The following PDZD2 variants were observed in gnomAD, a reference collection of about 807,000 sequenced individuals.
The protein encoded by PDZD2 is PDZ domain-containing protein 2.
In PDZD2, 90 loss-of-function variants were observed where a neutral mutation model predicts 220.7. That is an observed-to-expected ratio of 0.41 (90% CI 0.34 to 0.49). The LOEUF (loss-of-function observed/expected upper bound fraction) is 0.49. Ranked by LOEUF, PDZD2 falls within the 20% of genes least tolerant of loss-of-function variation. The probability of loss-of-function intolerance (pLI) is 0.28; values close to 1 mark genes in which losing one functional copy is unlikely to be tolerated. For missense variants in PDZD2, 3,174 were observed against 3,608.5 expected, an observed-to-expected ratio of 0.88 and a Z score of 3.08; for synonymous variants, 1,375 against 1,450.5, an observed-to-expected ratio of 0.95 and a Z score of 1.18.
At chr5:31,862,101 G>GTTTTTTTTTTTTTT (rs11417935) in intron 2 of PDZD2, among the ~76,000 whole-genome samples, 1 of 78,500 alleles carries the variant, frequency 1.3e-5, no homozygotes, top group East Asian at 3.9e-4. Context: ...TTTTTTTTGG[G>GTTTTTTTTTTTTTT]TTTTTTTTTT....
intron 24 of PDZD2, among the ~76,000 whole-genome samples, chr5:32,104,998 G>T (rs1744622238): frequency 2.0e-5 from 3 of 151,904 alleles, no homozygotes; most frequent in Non-Finnish European, 2.9e-5. Context: ...ACTCGGGTGT[G>T]GCGGCACGCA....
At chr5:31,691,777 T>C (rs9717182) in intron 1 of PDZD2, among the ~76,000 whole-genome samples, 57,074 of 152,110 alleles carry the variant, frequency 0.38, 11,182 homozygotes, top group East Asian at 0.52. Flanking sequence ...GAGTACTAGA[T>C]AGGGAATGTG....
At chr5:32,061,841 G>A (rs1453390748) in intron 14 of PDZD2, among the ~76,000 whole-genome samples, 2 of 152,170 alleles carry the variant, frequency 1.3e-5, no homozygotes, top group Admixed American at 6.5e-5. Flanking sequence ...AAACTATTTA[G>A]AATTTAACTT....
intron 1 of PDZD2, among the ~76,000 whole-genome samples, chr5:31,654,684 G>T (rs1745478503): frequency 6.6e-6 from 1 of 152,122 alleles, no homozygotes. Context: ...TACAGGCATT[G>T]CTCCTCACTT....
At chr5:31,689,645 C>T (rs1380604156) in intron 1 of PDZD2, among the ~76,000 whole-genome samples, 1 of 152,012 alleles carries the variant, frequency 6.6e-6, no homozygotes, top group Non-Finnish European at 1.5e-5. Context: ...TGAGGCTTGT[C>T]ATGGCTGATT....
chr5:31,776,992 C>T (rs894802055), intron 1 of PDZD2, among the ~76,000 whole-genome samples: 10 of 152,118 alleles, frequency 6.6e-5, no homozygotes, highest in Admixed American at 6.5e-5. Context: ...CTCAGGCGTT[C>T]GCTCTGGCCA....
At chr5:31,766,442 C>T (rs1561442525) in intron 1 of PDZD2, among the ~76,000 whole-genome samples, 1 of 151,984 alleles carries the variant, frequency 6.6e-6, no homozygotes, top group African/African-American at 2.4e-5. Flanking sequence ...TGCAGTGGTG[C>T]GGGATCATGG....
At chr5:31,694,857 C>G (rs1445255306) in intron 1 of PDZD2, among the ~76,000 whole-genome samples, 1 of 150,868 alleles carries the variant, frequency 6.6e-6, no homozygotes, top group Non-Finnish European at 1.5e-5. Flanking sequence ...GGTGCAGTGG[C>G]TCACGCCTGT....
intron 23 of PDZD2, chr5:32,100,249 T>TCGG: frequency 2.5e-5 from 4 of 158,694 alleles, no homozygotes; most frequent in South Asian, 1.9e-4. Flanking sequence ...CAATGCTAGC[T>TCGG]TGGCTTCAGC....
chr5:32,074,041 G>A lies in PDZD2; in HGVS notation c.2935G>A (p.Glu979Lys), dbSNP rs763641330. Residue 979 changes from glutamate to lysine, a missense_variant, in exon 18 of 25, where the codon GAA becomes AAA. Physicochemically the swap from Glu to Lys is moderately conservative, Grantham distance 56 (BLOSUM62 1). Transcript: ENST00000438447. ...DASDEEEFDR[E>K]GDCISLPGAL... The stretch of plus-strand genomic sequence containing the variant: ...CAGTGATGAGGAAGAGTTTGACAGA[G>A]AAGGGGACTGCATTTCACTCCCAGG... 5 of 1,614,130 alleles carry A rather than the reference G, an allele frequency of 3.1e-6. No homozygotes were observed. Among genetic ancestry groups the A allele is most frequent in the South Asian group, 1.1e-5 (1 of 91,082 alleles).
At chr5:31,920,911 C>T (rs986118394) in intron 2 of PDZD2, among the ~76,000 whole-genome samples, 8 of 152,192 alleles carry the variant, frequency 5.3e-5, no homozygotes, top group African/African-American at 1.9e-4. Context: ...TAGTAACATG[C>T]CTTTAAGTTT....
intron 7 of PDZD2, among the ~76,000 whole-genome samples, chr5:32,044,134 GC>G (rs1440289766): frequency 6.6e-6 from 1 of 151,600 alleles, no homozygotes; most frequent in East Asian, 2.0e-4. Context: ...TTCGAGACCA[GC>G]CTGGCCAACA....
intron 1 of PDZD2, among the ~76,000 whole-genome samples, chr5:31,665,588 A>G (rs1171676264): frequency 6.6e-6 from 1 of 151,604 alleles, no homozygotes; most frequent in Non-Finnish European, 1.5e-5. Flanking sequence ...TGTTCTTGTG[A>G]TAGTGAGGGA....
At chr5:31,710,702 A>G (rs1369053917) in intron 1 of PDZD2, among the ~76,000 whole-genome samples, 4 of 152,066 alleles carry the variant, frequency 2.6e-5, no homozygotes, top group Non-Finnish European at 5.9e-5. Context: ...CTGTAATCCT[A>G]GCTACTCAGA....
At chr5:31,648,506 A>AGCCTCCACCTTGTTCTCCC (rs1376195660) in intron 1 of PDZD2, among the ~76,000 whole-genome samples, 15 of 151,922 alleles carry the variant, frequency 9.9e-5, no homozygotes, top group African/African-American at 3.6e-4. Flanking sequence ...CCCCACCTCC[A>AGCCTCCACCTTGTTCTCCC]GCCTCCACCT....
At chr5:31,904,804 C>T (rs1194746787) in intron 2 of PDZD2, among the ~76,000 whole-genome samples, 3 of 152,058 alleles carry the variant, frequency 2.0e-5, no homozygotes, top group Admixed American at 6.6e-5. Flanking sequence ...GGTACAGATA[C>T]AGAATTCTGG....
intron 14 of PDZD2, among the ~76,000 whole-genome samples, chr5:32,063,207 G>C (rs986661116): frequency 6.6e-6 from 1 of 151,868 alleles, no homozygotes; most frequent in Non-Finnish European, 1.5e-5. Flanking sequence ...ACCATGCCCA[G>C]CTAATTTTTG....
chr5:31,902,608 G>A (rs1467284968), intron 2 of PDZD2, among the ~76,000 whole-genome samples: 15 of 147,566 alleles, frequency 1.0e-4, no homozygotes, highest in Non-Finnish European at 2.2e-4. Context: ...TCAGCCTCCC[G>A]AGTAGCTGGG....
At chr5:31,691,795 G>T (rs1747145754) in intron 1 of PDZD2, among the ~76,000 whole-genome samples, 1 of 152,224 alleles carries the variant, frequency 6.6e-6, no homozygotes, top group Admixed American at 6.5e-5. Flanking sequence ...GTGGATTGGT[G>T]CATTCACAAA....
Sources: gnomAD v4.1 joint callset for allele counts (sites outside exome capture counted in the v4.1 genomes callset) on GRCh38, gnomAD v4.1.1 for gene constraint, MANE v1.5 for transcripts, NCBI Gene and HGNC (gene_info 2026-07-23, HGNC 2026-07-21) for gene names.